SUPT3H: variants seen among roughly 807,000 people sequenced by gnomAD.
SUPT3H encodes SPT3 homolog, SAGA and STAGA complex component.
SUPT3H carries 44 observed loss-of-function variants against 44.3 expected under a neutral mutation model. The observed-to-expected ratio is 0.99, with a 90% CI of 0.78 to 1.28. SUPT3H has a LOEUF of 1.28. Ranked by LOEUF, SUPT3H falls within the 50% of genes most tolerant of loss-of-function variation. The pLI is 0.00. For missense variants in SUPT3H, 380 were observed against 387.1 expected, an observed-to-expected ratio of 0.98 and a Z score of 0.15; for synonymous variants, 124 against 125.6, an observed-to-expected ratio of 0.99 and a Z score of 0.09.
rs756354558 is a variant in SUPT3H at position 45,020,539 on chromosome 6, A to G, written c.273+7T>C. The G allele has an allele frequency of 1.2e-6, 2 of 1,603,982 alleles. No individual in the cohort carries two copies. Among genetic ancestry groups the G allele is most frequent in the Non-Finnish European group, 1.7e-6 (2 of 1,172,764 alleles). The stretch of plus-strand genomic sequence containing the variant: ...GATTTTAATACAATAAAATTATGTT[A>G]TATTACCTTATCTTTGCGCATCAAA... On this transcript the variant is annotated splice_region_variant and intron_variant, in intron 4 of 10. Coordinates refer to ENST00000371459, the MANE Select transcript of SUPT3H (RefSeq NM_003599.4).
At position 45,263,626 on chromosome 6, in the gene SUPT3H, T is replaced by A. The variant is rs911516302; in HGVS notation, c.101+101575A>T. Among the ~76,000 whole-genome samples, 3 of 152,024 alleles carry A rather than the reference T, an allele frequency of 2.0e-5. No homozygotes were observed. In the East Asian group the frequency reaches 5.8e-4, roughly 29 times the overall value. On this transcript the variant is annotated intron_variant, in intron 2 of 10. Coordinates refer to ENST00000371459, the MANE Select transcript of SUPT3H (RefSeq NM_003599.4). ...ACAAACCTGAACATGCACCCCTGAA[T>A]CTAAAATAAAATTGGAGGAAAAAGG...
At chr6:44,946,736 T>C (rs191998168) in intron 9 of SUPT3H, among the ~76,000 whole-genome samples, 1 of 152,290 alleles carries the variant, frequency 6.6e-6, no homozygotes, top group East Asian at 1.9e-4. Flanking sequence ...TGTGAACATT[T>C]TTAAAAATAA....
At chr6:45,057,943 T>A (rs1791386188) in intron 3 of SUPT3H, among the ~76,000 whole-genome samples, 1 of 152,124 alleles carries the variant, frequency 6.6e-6, no homozygotes, top group African/African-American at 2.4e-5. Flanking sequence ...AACATATCAA[T>A]GTGACGGTTA....
At chr6:44,930,125 T>C (rs1044885130) in intron 10 of SUPT3H, among the ~76,000 whole-genome samples, 6 of 152,206 alleles carry the variant, frequency 3.9e-5, no homozygotes, top group African/African-American at 1.4e-4. Flanking sequence ...ACGCCTGTAA[T>C]CCCAGCACTT....
intron 2 of SUPT3H, among the ~76,000 whole-genome samples, chr6:45,310,080 G>A (rs1783709349): frequency 6.6e-6 from 1 of 152,178 alleles, no homozygotes; most frequent in African/African-American, 2.4e-5. Flanking sequence ...ACAGACTTGG[G>A]GCTGTTGTGG....
At chr6:44,880,058 A>C (rs954000675) in intron 10 of SUPT3H, among the ~76,000 whole-genome samples, 1 of 152,082 alleles carries the variant, frequency 6.6e-6, no homozygotes, top group East Asian at 1.9e-4. Flanking sequence ...AAGGGAACAA[A>C]ACTGGATGGA....
chr6:45,061,797 T>C (rs897427228), intron 3 of SUPT3H, among the ~76,000 whole-genome samples: 1 of 151,904 alleles, frequency 6.6e-6, no homozygotes, highest in African/African-American at 2.4e-5. Context: ...ATTCTAGTCA[T>C]GATATCTTTG....
intron 2 of SUPT3H, among the ~76,000 whole-genome samples, chr6:45,193,842 G>A (rs1202385589): frequency 6.6e-6 from 1 of 152,190 alleles, no homozygotes; most frequent in Admixed American, 6.5e-5. Context: ...AGAATTCTTA[G>A]AGTGAGCCCT....
chr6:45,370,331 A>T (rs1338966846), intron 1 of SUPT3H, among the ~76,000 whole-genome samples: 1 of 152,096 alleles, frequency 6.6e-6, no homozygotes. Flanking sequence ...CGAATTCTGG[A>T]GCCTTAGAAA....
intron 2 of SUPT3H, among the ~76,000 whole-genome samples, chr6:45,212,427 G>A (rs1454415504): frequency 6.7e-6 from 1 of 149,214 alleles, no homozygotes; most frequent in African/African-American, 2.5e-5. Context: ...TTTTCTTCCT[G>A]GAAAATGCTC....
intron 2 of SUPT3H, among the ~76,000 whole-genome samples, chr6:45,352,363 G>A (rs1271968856): frequency 6.6e-6 from 1 of 152,012 alleles, no homozygotes; most frequent in Non-Finnish European, 1.5e-5. Context: ...AGTGTATCAA[G>A]TTTTCCTAGT....
intron 2 of SUPT3H, among the ~76,000 whole-genome samples, chr6:45,171,459 A>G (rs1263492299): frequency 6.6e-6 from 1 of 152,206 alleles, no homozygotes; most frequent in Non-Finnish European, 1.5e-5. Flanking sequence ...ATAAACAAAT[A>G]TGGTAAGTAC....
At chr6:45,082,976 T>C (rs1228914433) in intron 3 of SUPT3H, among the ~76,000 whole-genome samples, 2 of 151,992 alleles carry the variant, frequency 1.3e-5, no homozygotes, top group African/African-American at 4.8e-5. Context: ...TCCATACATT[T>C]ATAACATTTT....
intron 10 of SUPT3H, among the ~76,000 whole-genome samples, chr6:44,834,592 G>C (rs1293332576): frequency 1.3e-5 from 2 of 152,164 alleles, no homozygotes; most frequent in African/African-American, 2.4e-5. Context: ...GAATTGGAAA[G>C]TATCTTTGTG....
At chr6:44,958,454 T>C (rs1437653832) in intron 7 of SUPT3H, among the ~76,000 whole-genome samples, 1 of 152,164 alleles carries the variant, frequency 6.6e-6, no homozygotes, top group Non-Finnish European at 1.5e-5. Flanking sequence ...TCAACCTAAT[T>C]GAAAATAGCC....
chr6:44,866,361 G>A (rs1213626318), intron 10 of SUPT3H, among the ~76,000 whole-genome samples: 1 of 152,042 alleles, frequency 6.6e-6, no homozygotes, highest in Non-Finnish European at 1.5e-5. Context: ...GTGCACGCCT[G>A]TAGTCCCACT....
At chr6:45,218,184 T>C (rs773106002) in intron 2 of SUPT3H, among the ~76,000 whole-genome samples, 1 of 152,062 alleles carries the variant, frequency 6.6e-6, no homozygotes, top group Non-Finnish European at 1.5e-5. Flanking sequence ...GGAATATTAA[T>C]AGAAAGCAGA....
chr6:44,962,980 G>T (rs974741903), intron 6 of SUPT3H, among the ~76,000 whole-genome samples: 2 of 150,608 alleles, frequency 1.3e-5, no homozygotes, highest in African/African-American at 4.9e-5. Flanking sequence ...GTCTATCTTG[G>T]TTATTTACCC....
intron 2 of SUPT3H, among the ~76,000 whole-genome samples, chr6:45,126,522 T>A (rs1802450111): frequency 6.6e-6 from 1 of 152,208 alleles, no homozygotes; most frequent in Admixed American, 6.5e-5. Flanking sequence ...GGCAAACAGC[T>A]GCTATACACA....
Sources: gnomAD v4.1 joint callset for allele counts (sites outside exome capture counted in the v4.1 genomes callset) on GRCh38, gnomAD v4.1.1 for gene constraint, MANE v1.5 for transcripts, NCBI Gene and HGNC (gene_info 2026-07-23, HGNC 2026-07-21) for gene names.